The following BAALC variants were observed in gnomAD, a reference collection of about 807,000 sequenced individuals.
BAALC encodes BAALC binder of MAP3K1 and KLF4, also known as brain and acute leukemia cytoplasmic protein.
BAALC carries 9 observed loss-of-function variants against 15.5 expected under a neutral mutation model. The observed-to-expected ratio is 0.58, with a 90% CI of 0.35 to 1.02. BAALC has a LOEUF of 1.02. BAALC is among the 50% of genes least tolerant of loss of function. The probability of loss-of-function intolerance (pLI) is 0.02; values close to 1 mark genes in which losing one functional copy is unlikely to be tolerated. For synonymous variants in BAALC, 80 were observed against 74.6 expected (o/e 1.07, Z -0.37); for missense variants, 201 against 192.4 (o/e 1.04, Z -0.27).
chr8:103,149,779 T>A (rs1313645050), intron 1 of BAALC, among the ~76,000 whole-genome samples: 9 of 152,150 alleles, frequency 5.9e-5, no homozygotes, highest in Admixed American at 2.0e-4. Context: ...CTTTTTTTCT[T>A]TCAATACTGG....
intron 1 of BAALC, among the ~76,000 whole-genome samples, chr8:103,155,291 A>G (rs765972136): frequency 6.9e-4 from 105 of 151,878 alleles, no homozygotes; most frequent in Non-Finnish European, 1.3e-3. Context: ...CATCACACCT[A>G]AAAATTAATG....
At chr8:103,142,860 G>C (rs1356465320) in intron 1 of BAALC, among the ~76,000 whole-genome samples, 1 of 152,128 alleles carries the variant, frequency 6.6e-6, no homozygotes, top group Non-Finnish European at 1.5e-5. Context: ...GCAACAGGTG[G>C]GGCCTGGGAC....
chr8:103,179,955 T>G (rs1470012656), intron 1 of BAALC, among the ~76,000 whole-genome samples: 2 of 152,148 alleles, frequency 1.3e-5, no homozygotes, highest in Non-Finnish European at 2.9e-5. Flanking sequence ...TTGTACTCAT[T>G]GCAGAGGGAA....
intron 1 of BAALC, among the ~76,000 whole-genome samples, chr8:103,186,617 C>A (rs1811844467): frequency 6.6e-6 from 1 of 152,124 alleles, no homozygotes; most frequent in Admixed American, 6.5e-5. Flanking sequence ...TTCCTGCTAC[C>A]CCAGGGACTC....
chr8:103,207,995 A>T (rs1207432381), intron 1 of BAALC, among the ~76,000 whole-genome samples: 1 of 152,116 alleles, frequency 6.6e-6, no homozygotes, highest in African/African-American at 2.4e-5. Flanking sequence ...TGGACAGATG[A>T]CCCCTGCTCA....
chr8:103,212,081 C>A (rs1812457490), intron 1 of BAALC, among the ~76,000 whole-genome samples: 2 of 152,158 alleles, frequency 1.3e-5, no homozygotes, highest in African/African-American at 4.8e-5. Context: ...AAACTTCTAT[C>A]ATTTCTTGGC....
intron 1 of BAALC, chr8:103,183,368 C>A (rs1212360189): frequency 1.4e-6 from 1 of 702,938 alleles, no homozygotes; most frequent in Non-Finnish European, 2.6e-6. Flanking sequence ...GCCCATTAGC[C>A]CATTACCCTC....
At chr8:103,174,144 G>A (rs973891291) in intron 1 of BAALC, among the ~76,000 whole-genome samples, 1 of 151,986 alleles carries the variant, frequency 6.6e-6, no homozygotes, top group Non-Finnish European at 1.5e-5. Context: ...TGCTCAGACT[G>A]TGAAAGGGAT....
chr8:103,220,683 A>G (rs986166744), intron 2 of BAALC, among the ~76,000 whole-genome samples: 3 of 152,258 alleles, frequency 2.0e-5, no homozygotes, highest in African/African-American at 7.2e-5. Context: ...GGGAGAGAGA[A>G]TAACAGAGCC....
intron 1 of BAALC, among the ~76,000 whole-genome samples, chr8:103,179,954 T>C (rs1811688770): frequency 6.6e-6 from 1 of 152,168 alleles, no homozygotes; most frequent in Non-Finnish European, 1.5e-5. Context: ...GTTGTACTCA[T>C]TGCAGAGGGA....
chr8:103,205,189 C>T (rs1812300992), intron 1 of BAALC, among the ~76,000 whole-genome samples: 1 of 152,214 alleles, frequency 6.6e-6, no homozygotes, highest in South Asian at 2.1e-4. Flanking sequence ...TTGACCTGCT[C>T]TCCACATGGC....
intron 1 of BAALC, among the ~76,000 whole-genome samples, chr8:103,203,305 T>A (rs1812258932): frequency 6.6e-6 from 1 of 152,236 alleles, no homozygotes; most frequent in African/African-American, 2.4e-5. Context: ...GTCTAGTATA[T>A]GAGTCCACTA....
intron 2 of BAALC, among the ~76,000 whole-genome samples, chr8:103,226,408 G>T (rs567363024): frequency 1.3e-5 from 2 of 152,356 alleles, no homozygotes; most frequent in East Asian, 1.9e-4. Context: ...GTGGCTCTCT[G>T]CAGCTGATGC....
rs562204991 is a variant in BAALC at position 103,229,868 on chromosome 8, A to T, written c.*1769A>T. 3 of 152,176 alleles carry T rather than the reference A, an allele frequency of 2.0e-5. No homozygotes were observed. The highest frequency in any genetic ancestry group is 2.9e-5 in the Non-Finnish European group (2 of 68,034). The allele number at this position is 152,176 out of a possible 1,614,324, so 9.4% of individuals were successfully genotyped here. A position where few individuals can be genotyped will look rare whatever the true frequency, so the allele number is the denominator to read the frequency against. ...TTTAACAATAATAAGATAAAAGAAAAACCTGTGATTCATATGTCCCCACTG... is the reference window on the plus strand; with the variant it reads ...TTTAACAATAATAAGATAAAAGAAATACCTGTGATTCATATGTCCCCACTG... On this transcript the variant is annotated 3_prime_UTR_variant, in exon 3 of 3. Transcript: ENST00000309982.
chr8:103,183,229 G>A (rs1811765371), intron 1 of BAALC: 2 of 652,244 alleles, frequency 3.1e-6, no homozygotes, highest in African/African-American at 1.8e-5. Context: ...CTGTTGGGTG[G>A]ACACCAGCAA....
chr8:103,183,007 TGA>T (rs1811761002), intron 1 of BAALC, among the ~76,000 whole-genome samples: 2 of 152,210 alleles, frequency 1.3e-5, no homozygotes, highest in South Asian at 4.1e-4. Context: ...CCACAGAAGA[TGA>T]CCTTGACATA....
chr8:103,164,928 T>C (rs1586388315), intron 1 of BAALC, among the ~76,000 whole-genome samples: 1 of 152,094 alleles, frequency 6.6e-6, no homozygotes, highest in Non-Finnish European at 1.5e-5. Flanking sequence ...TCATTACCTG[T>C]CCCCTAAAAA....
chr8:103,166,887 A>G (rs1811362332), intron 1 of BAALC, among the ~76,000 whole-genome samples: 1 of 152,228 alleles, frequency 6.6e-6, no homozygotes, highest in Admixed American at 6.5e-5. Flanking sequence ...GTCAAAGGAT[A>G]CTTTAAGATG....
intron 2 of BAALC, among the ~76,000 whole-genome samples, chr8:103,225,971 C>T (rs1563659860): frequency 6.6e-6 from 1 of 152,184 alleles, no homozygotes; most frequent in Non-Finnish European, 1.5e-5. Flanking sequence ...TTTTCTCCAT[C>T]AGTGCAATAG....
Sources: allele counts gnomAD v4.1 joint callset (sites outside exome capture counted in the v4.1 genomes callset), GRCh38; gene constraint gnomAD v4.1.1; transcripts MANE v1.5; gene names NCBI Gene and HGNC (gene_info 2026-07-23, HGNC 2026-07-21).